Variants in RBFOX1 observed in about 807,000 individuals in gnomAD.
RBFOX1 encodes the protein RNA binding fox-1 homolog 1.
RBFOX1 carries 8 observed loss-of-function variants against 57.7 expected under a neutral mutation model. That is an observed-to-expected ratio of 0.14 (90% CI 0.08 to 0.25). The LOEUF is 0.25. RBFOX1 is among the 10% of genes least tolerant of loss of function. The pLI, the probability that RBFOX1 is intolerant of heterozygous loss-of-function variation, is 1.00. For missense variants in RBFOX1, 611 were observed against 548.5 expected (o/e 1.11, Z -1.14); for synonymous variants, 326 against 222.4 (o/e 1.47, Z -4.15).
At position 7,273,204 on chromosome 16, in the gene RBFOX1, C is replaced by CCCTCCCTCCCTT. The variant is rs71280734; in HGVS notation, c.27+221109_27+221110insCCCTCCCTTCCT. Reference sequence around the variant, plus strand: ...TTCCTTCCTCCCTTCCTTCCTCCCTCCCTTCCTTCCTTCCTTCCTTCCTTC... The same window carrying CCCTCCCTCCCTT: ...TTCCTTCCTCCCTTCCTTCCTCCCTCCCTCCCTCCCTTCCTTCCTTCCTTCCTTCCTTCCTTC... On this transcript the variant is annotated intron_variant, in intron 4 of 15. Coordinates refer to ENST00000550418, the MANE Select transcript of RBFOX1 (RefSeq NM_018723.4). Among the ~76,000 whole-genome samples the CCCTCCCTCCCTT allele has an allele frequency of 2.3e-3, 80 of 35,160 alleles. 1 individual carries two copies. Among genetic ancestry groups the CCCTCCCTCCCTT allele is most frequent in the Non-Finnish European group, 3.2e-3 (64 of 20,130 alleles). 23.1% of individuals were successfully genotyped at this position (35,160 alleles called of 152,430 possible).
chr16:5,587,686 C>T (rs1037335477), intron 2 of RBFOX1, among the ~76,000 whole-genome samples: 1 of 152,136 alleles, frequency 6.6e-6, no homozygotes, highest in Non-Finnish European at 1.5e-5. Context: ...GTACTCCAGC[C>T]TGGGCGACAG....
intron 1 of RBFOX1, among the ~76,000 whole-genome samples, chr16:6,090,724 G>C (rs1387412544): frequency 6.6e-6 from 1 of 152,202 alleles, no homozygotes; most frequent in East Asian, 1.9e-4. Flanking sequence ...TTAGCTCCAG[G>C]GCCCCTTAGT....
Position 7,113,921 on chromosome 16 carries a change from A to G in RBFOX1, c.27+61823A>G, listed in dbSNP as rs187994944. Among the ~76,000 whole-genome samples the G allele has an allele frequency of 2.0e-4, 31 of 152,160 alleles. No homozygotes were observed. The East Asian group carries it at 6.0e-3, about 29-fold the overall frequency. On this transcript the variant is annotated intron_variant, in intron 4 of 15. Transcript: ENST00000550418. ...TGCATGGGTGATTTCTTTTTATAGG[A>G]TATATTCCTAGAAGTAGAATACTTG... is the stretch of plus-strand genomic sequence containing the variant.
At chr16:5,779,229 A>G (rs2054247284) in intron 3 of RBFOX1, among the ~76,000 whole-genome samples, 1 of 152,190 alleles carries the variant, frequency 6.6e-6, no homozygotes, top group Non-Finnish European at 1.5e-5. Context: ...ACCCCTCTGG[A>G]TCTGATCCCT....
intron 4 of RBFOX1, among the ~76,000 whole-genome samples, chr16:7,064,761 A>T (rs111474340): frequency 6.6e-5 from 10 of 152,196 alleles, no homozygotes; most frequent in Admixed American, 6.5e-4. Context: ...CAAATGAACA[A>T]CCAACTAACC....
chr16:7,516,140 C>T (rs2076304072), intron 4 of RBFOX1, among the ~76,000 whole-genome samples: 1 of 152,122 alleles, frequency 6.6e-6, no homozygotes, highest in Non-Finnish European at 1.5e-5. Flanking sequence ...GCAACATGCC[C>T]ACCCTAAGTG....
intron 11 of RBFOX1, among the ~76,000 whole-genome samples, chr16:7,651,684 C>T (rs1054359161): frequency 3.3e-5 from 5 of 152,190 alleles, no homozygotes; most frequent in Admixed American, 2.0e-4. Context: ...ATGAAATGAA[C>T]TACAACCCCT....
chr16:6,115,901 C>G (rs907126256), intron 1 of RBFOX1, among the ~76,000 whole-genome samples: 3 of 152,120 alleles, frequency 2.0e-5, no homozygotes, highest in African/African-American at 7.2e-5. Flanking sequence ...ACTATGTGCA[C>G]TAGTGAGGTA....
In RBFOX1 at chr16:5,254,674, C is replaced by G. The variant is rs548636104; in HGVS notation, c.219+14569C>G. ...CTGCTTCCCACCTGCATCCCCCACC[C>G]AGCTTGTTCTGGATTTTGTCAACAA... On this transcript the variant is annotated intron_variant, in intron 1 of 2. Coordinates refer to the RBFOX1 transcript ENST00000585867. Among the ~76,000 whole-genome samples the G allele has an allele frequency of 1.7e-4, 26 of 152,294 alleles. No individual in the cohort carries two copies. In the East Asian group the frequency reaches 4.6e-3, roughly 27 times the overall value.
At chr16:6,863,898 A>C (rs989076411) in intron 3 of RBFOX1, among the ~76,000 whole-genome samples, 1 of 151,816 alleles carries the variant, frequency 6.6e-6, no homozygotes, top group Non-Finnish European at 1.5e-5. Context: ...AACAGTTACC[A>C]ATCCATTGCC....
At chr16:5,263,691 G>C (rs1437173427) in intron 1 of RBFOX1, among the ~76,000 whole-genome samples, 1 of 152,088 alleles carries the variant, frequency 6.6e-6, no homozygotes, top group African/African-American at 2.4e-5. Flanking sequence ...GAGGAAGAGG[G>C]TCAAGGTACA....
intron 2 of RBFOX1, among the ~76,000 whole-genome samples, chr16:6,640,921 T>C (rs4305023): frequency 0.84 from 128,402 of 151,986 alleles, 55,252 homozygotes; most frequent in Middle Eastern, 0.98. Flanking sequence ...CAGGTAGGCT[T>C]CGCAGATGAA....
chr16:7,314,644 G>T (rs2142882820), intron 4 of RBFOX1, among the ~76,000 whole-genome samples: 1 of 152,150 alleles, frequency 6.6e-6, no homozygotes, highest in African/African-American at 2.4e-5. Flanking sequence ...TTATGGTGTT[G>T]TCTGTGAAAA....
At chr16:5,467,186 CTCTCTCTCTCT>C in intron 1 of RBFOX1, 1 of 1,459,074 alleles carries the variant, frequency 6.9e-7, no homozygotes, top group Middle Eastern at 1.7e-4. Flanking sequence ...CTCTCTCTCT[CTCTCTCTCTCT>C]TTTTTTTTTT....
At chr16:6,012,373 C>G (rs1259511595) in intron 4 of RBFOX1, among the ~76,000 whole-genome samples, 1 of 152,172 alleles carries the variant, frequency 6.6e-6, no homozygotes, top group Admixed American at 6.5e-5. Context: ...CCACTATCGC[C>G]ATGTTGGTGA....
At chr16:7,192,519 T>C (rs1265138188) in intron 4 of RBFOX1, among the ~76,000 whole-genome samples, 1 of 152,140 alleles carries the variant, frequency 6.6e-6, no homozygotes, top group Non-Finnish European at 1.5e-5. Flanking sequence ...ATTGAGGTAC[T>C]GAAGCATCAA....
chr16:5,561,910 G>C (rs897392661), intron 2 of RBFOX1, among the ~76,000 whole-genome samples: 5 of 152,138 alleles, frequency 3.3e-5, no homozygotes, highest in Admixed American at 6.5e-5. Context: ...TTGAGAAATG[G>C]AGTCCACCCA....
intron 3 of RBFOX1, among the ~76,000 whole-genome samples, chr16:5,644,830 G>C (rs1487559037): frequency 6.6e-6 from 1 of 152,158 alleles, no homozygotes; most frequent in Non-Finnish European, 1.5e-5. Flanking sequence ...TGCCAATTGT[G>C]AATAATGCCG....
At chr16:6,683,958 TC>T (rs1222146703) in intron 3 of RBFOX1, among the ~76,000 whole-genome samples, 4 of 152,200 alleles carry the variant, frequency 2.6e-5, no homozygotes, top group Non-Finnish European at 4.4e-5. Context: ...TGCTAATACC[TC>T]TTCCCTTCTT....
Sources: allele counts gnomAD v4.1 joint callset (sites outside exome capture counted in the v4.1 genomes callset), GRCh38; gene constraint gnomAD v4.1.1; transcripts MANE v1.5; gene names NCBI Gene and HGNC (gene_info 2026-07-23, HGNC 2026-07-21).